PEAK1: variants seen among roughly 807,000 people sequenced by gnomAD.
The protein encoded by PEAK1 is pseudopodium enriched atypical kinase 1, also known as inactive tyrosine-protein kinase PEAK1.
PEAK1 carries 54 observed loss-of-function variants against 124.7 expected under a neutral mutation model. That is an observed-to-expected ratio of 0.43 (90% confidence interval 0.35 to 0.54). PEAK1 has a LOEUF of 0.54. PEAK1 is among the 20% of genes least tolerant of loss of function. PEAK1 has a pLI of 0.01. For missense variants in PEAK1, 2,046 were observed against 2,134.5 expected (o/e 0.96, Z 0.82); for synonymous variants, 719 against 760.0 (o/e 0.95, Z 0.89).
rs181858862 is a variant in PEAK1, at chr15:77,283,158, G to A, written c.-275+725C>T. Among the ~76,000 whole-genome samples the A allele has an allele frequency of 2.3e-4, 35 of 152,172 alleles. No homozygotes were observed. The East Asian group carries it at 4.4e-3, about 19-fold the overall frequency. ...TCTTAAGAAAAACAGACTTCAGAAA[G>A]GACATAATACATTTTTCTTCTCTAA... On this transcript the variant is annotated intron_variant, in intron 5 of 9. Transcript: ENST00000682557.
intron 2 of PEAK1, chr15:77,347,809 T>G (rs543245490): frequency 1.0e-6 from 1 of 985,038 alleles, no homozygotes; most frequent in Non-Finnish European, 1.2e-6. Context: ...TTTCCTTCTA[T>G]AGCAAGCACA....
intron 1 of PEAK1, among the ~76,000 whole-genome samples, chr15:77,394,206 C>T (rs72744514): frequency 0.034 from 5,145 of 152,304 alleles, 142 homozygotes; most frequent in Non-Finnish European, 0.054. Context: ...GAGACCTTGC[C>T]ACCCTGAAGG....
At chr15:77,352,275 C>T in intron 2 of PEAK1, 1 of 985,346 alleles carries the variant, frequency 1.0e-6, no homozygotes, top group Non-Finnish European at 1.2e-6. Context: ...CCTAGCCATA[C>T]CTCTCCCCCA....
At chr15:77,373,109 A>G (rs1176608738) in intron 1 of PEAK1, among the ~76,000 whole-genome samples, 2 of 152,198 alleles carry the variant, frequency 1.3e-5, no homozygotes, top group African/African-American at 2.4e-5. Flanking sequence ...TGTGATCTTA[A>G]TATGTATTTA....
At chr15:77,255,521 T>TGAGAACACA in intron 5 of PEAK1, 1 of 323,154 alleles carries the variant, frequency 3.1e-6, no homozygotes, top group Non-Finnish European at 4.5e-6. Context: ...ACAAGAAAAA[T>TGAGAACACA]ATTCCCAAAA....
intron 9 of PEAK1, among the ~76,000 whole-genome samples, chr15:77,117,292 A>G (rs1359460863): frequency 6.6e-6 from 1 of 152,234 alleles, no homozygotes; most frequent in Non-Finnish European, 1.5e-5. Context: ...TACTAGCTGT[A>G]TAACCTTGAG....
intron 6 of PEAK1, among the ~76,000 whole-genome samples, chr15:77,188,920 G>A (rs1031875015): frequency 2.6e-5 from 4 of 152,098 alleles, no homozygotes; most frequent in African/African-American, 9.7e-5. Context: ...ATTCGGCCAG[G>A]TGCGGTGGCT....
At chr15:77,167,276 ACCTTCTGAGGTTTATTCTTAGTCAGT>A in intron 7 of PEAK1, among the ~76,000 whole-genome samples, 1 of 152,280 alleles carries the variant, frequency 6.6e-6, no homozygotes, top group South Asian at 2.1e-4. Context: ...ACCATTCCTA[ACCTTCTGAGGTTTATTCTTAGTCAGT>A]TTACTTCTCT....
intron 6 of PEAK1, among the ~76,000 whole-genome samples, chr15:77,199,275 G>A (rs904902333): frequency 6.6e-6 from 1 of 152,160 alleles, no homozygotes; most frequent in Non-Finnish European, 1.5e-5. Context: ...AAGTTCATTT[G>A]GTATTAGGCA....
intron 1 of PEAK1, chr15:77,404,843 T>C (rs762926247): frequency 4.3e-6 from 4 of 927,792 alleles, no homozygotes; most frequent in Non-Finnish European, 5.1e-6. Flanking sequence ...CTTAGCAATA[T>C]GAAAAAAAGA....
chr15:77,289,787 A>T (rs962793100), intron 2 of PEAK1, among the ~76,000 whole-genome samples: 34 of 152,148 alleles, frequency 2.2e-4, no homozygotes, highest in African/African-American at 7.9e-4. Flanking sequence ...CAGTGAGCCG[A>T]TATCGTGCAC....
In PEAK1 at chr15:77,111,546, C is replaced by T. The variant is rs1216730757; in HGVS notation, c.*2610G>A. ...TGGGAAGCCTGAGGCTTTTCTCTGG[C>T]TAGTTTGCATTCATCTTTTGCCCTT... is the stretch of plus-strand genomic sequence containing the variant. On this transcript the variant is annotated 3_prime_UTR_variant, in exon 10 of 10. Transcript: ENST00000682557. 1 of 152,164 alleles carries T rather than the reference C, an allele frequency of 6.6e-6. No homozygotes were observed. The highest frequency in any genetic ancestry group is 2.4e-5 in the African/African-American group (1 of 41,442). The allele number at this position is 152,164 out of a possible 1,614,324, so 9.4% of individuals were successfully genotyped here.
Position 77,207,871 on chromosome 15 carries a change from A to C in PEAK1, c.-114-25831T>G, listed in dbSNP as rs79802450. Among the ~76,000 whole-genome samples the C allele has an allele frequency of 2.9e-3, 447 of 152,328 alleles. 6 individuals are homozygous for C. The highest frequency in any genetic ancestry group is 0.01 in the African/African-American group (435 of 41,572). On this transcript the variant is annotated intron_variant, in intron 6 of 9. Coordinates refer to ENST00000682557, the MANE Select transcript of PEAK1 (RefSeq NM_001385026.1). ...ATAAAGGGGTTCTAACAAGAAAACC[A>C]TGTTTTACATTTCCAGTTAGGCTTC...
chr15:77,323,030 A>T (rs1330271118), intron 2 of PEAK1, among the ~76,000 whole-genome samples: 1 of 152,122 alleles, frequency 6.6e-6, no homozygotes, highest in Non-Finnish European at 1.5e-5. Context: ...CAAAGACAAA[A>T]ACCACATGAT....
At chr15:77,231,276 C>G (rs2059900354) in intron 6 of PEAK1, among the ~76,000 whole-genome samples, 1 of 152,108 alleles carries the variant, frequency 6.6e-6, no homozygotes, top group Non-Finnish European at 1.5e-5. Flanking sequence ...ATAATAGGCT[C>G]CACTAATTTC....
At chr15:77,402,735 CAGGAA>C (rs1221326294) in intron 1 of PEAK1, 1 of 985,034 alleles carries the variant, frequency 1.0e-6, no homozygotes, top group Non-Finnish European at 1.2e-6. Context: ...CATTTATTCC[CAGGAA>C]ACAATAAAGC....
At chr15:77,262,343 G>A (rs2061485496) in intron 5 of PEAK1, among the ~76,000 whole-genome samples, 1 of 152,092 alleles carries the variant, frequency 6.6e-6, no homozygotes, top group African/African-American at 2.4e-5. Flanking sequence ...AGACCCATCA[G>A]TGTGCTGTAT....
chr15:77,398,933 T>C lies in PEAK1; in HGVS notation c.-666+21073A>G, dbSNP rs2071123929. 4.6e-5 allele frequency among the ~76,000 whole-genome samples: 7 copies of C among 150,890 alleles called. No homozygotes were observed. The South Asian group carries it at 1.5e-3, about 32-fold the overall frequency. On this transcript the variant is annotated intron_variant, in intron 1 of 9. Coordinates refer to ENST00000682557, the MANE Select transcript of PEAK1 (RefSeq NM_001385026.1). ...AAAGTTGTAGGATACAAAACCAACA[T>C]ACAAAAAAAAGTAGCATTTCTACAT...
intron 1 of PEAK1, among the ~76,000 whole-genome samples, chr15:77,383,607 C>T (rs538935528): frequency 3.9e-4 from 60 of 152,204 alleles, no homozygotes; most frequent in Non-Finnish European, 6.6e-4. Flanking sequence ...AAAACGCTAC[C>T]CAAGGCTATA....
Sources: allele counts gnomAD v4.1 joint callset (sites outside exome capture counted in the v4.1 genomes callset), GRCh38; gene constraint gnomAD v4.1.1; transcripts MANE v1.5; gene names NCBI Gene and HGNC (gene_info 2026-07-23, HGNC 2026-07-21).